Variants in ANO1 observed in about 807,000 individuals in gnomAD.
ANO1 encodes anoctamin 1.
ANO1 carries 59 observed loss-of-function variants against 124.0 expected under a neutral mutation model. That is an observed-to-expected ratio of 0.48 (90% CI 0.39 to 0.59). The LOEUF is 0.59. Among genes scored for constraint, ANO1 ranks in the 20% least tolerant of loss-of-function variants. ANO1 has a pLI of 0.00. For missense variants in ANO1, 1,059 were observed against 1,328.0 expected (o/e 0.80, Z 3.15); for synonymous variants, 529 against 532.0 (o/e 0.99, Z 0.08).
At chr11:70,129,389 G>A (rs1001620556) in intron 10 of ANO1, 2 of 152,166 alleles carry the variant, frequency 1.3e-5, no homozygotes, top group African/African-American at 4.8e-5. Flanking sequence ...TCTGCAGCCG[G>A]GAAAACTAAG....
chr11:70,130,131 C>G (rs374010651), intron 10 of ANO1, among the ~76,000 whole-genome samples: 1 of 152,302 alleles, frequency 6.6e-6, no homozygotes, highest in African/African-American at 2.4e-5. Flanking sequence ...AGCATCCCCC[C>G]ACATCACCCT....
intron 4 of ANO1, among the ~76,000 whole-genome samples, chr11:70,104,663 C>T (rs1048570670): frequency 2.0e-5 from 3 of 152,338 alleles, no homozygotes; most frequent in Admixed American, 6.5e-5. Context: ...GGCAGTGGGG[C>T]GTAGCCACCT....
chr11:70,120,025 C>G (rs2509138), intron 8 of ANO1, among the ~76,000 whole-genome samples: 105,097 of 151,682 alleles, frequency 0.69, 36,694 homozygotes, highest in Admixed American at 0.76. Flanking sequence ...AGCCTGGTGC[C>G]AAGTTTTTGC....
chr11:70,000,130 G>A (rs1453599981), intron 1 of ANO1, among the ~76,000 whole-genome samples: 3 of 152,132 alleles, frequency 2.0e-5, no homozygotes, highest in Non-Finnish European at 2.9e-5. Flanking sequence ...CTTTTTGGAT[G>A]GAGATAATAA....
At chr11:70,088,666 C>T (rs959082864) in intron 2 of ANO1, among the ~76,000 whole-genome samples, 4 of 152,214 alleles carry the variant, frequency 2.6e-5, no homozygotes, top group African/African-American at 9.7e-5. Context: ...CCTTCACAGC[C>T]ATGACCTTCA....
At chr11:70,094,406 C>T (rs1565192117) in intron 2 of ANO1, among the ~76,000 whole-genome samples, 2 of 152,196 alleles carry the variant, frequency 1.3e-5, no homozygotes, top group Non-Finnish European at 2.9e-5. Context: ...TGGGCACTGG[C>T]AGGGGCTGGG....
intron 1 of ANO1, among the ~76,000 whole-genome samples, chr11:70,039,041 T>TA (rs1555004764): frequency 8.6e-5 from 13 of 152,034 alleles, no homozygotes; most frequent in Admixed American, 8.5e-4. Flanking sequence ...AATTTAGCCT[T>TA]AAAAAAGCCA....
intron 2 of ANO1, among the ~76,000 whole-genome samples, chr11:70,089,990 G>GGTTTGTTT (rs72163864): frequency 4.1e-4 from 2 of 4,832 alleles, no homozygotes; most frequent in African/African-American, 5.2e-4. Flanking sequence ...TGTTCCCCAG[G>GGTTTGTTT]GTTTGTTTGT....
chr11:70,016,118 C>G (rs1264354695), intron 1 of ANO1, among the ~76,000 whole-genome samples: 2 of 151,908 alleles, frequency 1.3e-5, no homozygotes, highest in African/African-American at 4.8e-5. Flanking sequence ...ACCTCTGCCT[C>G]CTTGGTTCAA....
intron 2 of ANO1, among the ~76,000 whole-genome samples, chr11:70,099,689 G>A (rs780881516): frequency 2.6e-5 from 4 of 152,184 alleles, no homozygotes; most frequent in Admixed American, 1.3e-4. Context: ...CTTCTTGGCC[G>A]AAGGAGTCTG....
At chr11:70,155,471 C>T (rs1180118893) in intron 14 of ANO1, among the ~76,000 whole-genome samples, 2 of 152,232 alleles carry the variant, frequency 1.3e-5, no homozygotes, top group Admixed American at 6.5e-5. Context: ...TTTTGATTTC[C>T]CTCCAGCTAT....
intron 8 of ANO1, among the ~76,000 whole-genome samples, chr11:70,119,713 C>T (rs184567938): frequency 2.3e-4 from 34 of 149,038 alleles, no homozygotes; most frequent in East Asian, 1.2e-3. Context: ...AGATGGATGC[C>T]GGAGGGATGA....
At position 70,164,590 on chromosome 11, in the gene ANO1, G is replaced by C. The variant is rs184048827; in HGVS notation, c.1951-880G>C. 1.6e-3 allele frequency among the ~76,000 whole-genome samples: 245 copies of C among 152,322 alleles called. 2 individuals carry two copies. Among genetic ancestry groups the C allele is most frequent in the African/African-American group, 5.7e-3 (235 of 41,576 alleles). ...TTTGTTAGGTTTTATTTGGAATGCA[G>C]AACAAGTTTACTGTGCCTCAGGGGT... On this transcript the variant is annotated intron_variant, in intron 19 of 25. Transcript: ENST00000355303.
At chr11:70,020,306 A>G (rs7950460) in intron 1 of ANO1, among the ~76,000 whole-genome samples, 1 of 152,000 alleles carries the variant, frequency 6.6e-6, no homozygotes, top group Admixed American at 6.5e-5. Flanking sequence ...CCCTTCTTCC[A>G]TCCTCACCAC....
chr11:69,997,484 C>G (rs1383333986), intron 1 of ANO1, among the ~76,000 whole-genome samples: 6 of 152,210 alleles, frequency 3.9e-5, no homozygotes, highest in African/African-American at 1.4e-4. Context: ...GCCACAGGGC[C>G]AGACATGAAA....
intron 1 of ANO1, among the ~76,000 whole-genome samples, chr11:69,987,769 C>A (rs1330176189): frequency 2.0e-5 from 3 of 152,122 alleles, no homozygotes; most frequent in African/African-American, 7.2e-5. Flanking sequence ...TGAGGGTGTA[C>A]TCTGGAGGCC....
At chr11:70,166,585 C>G (rs2048263515) in intron 20 of ANO1, among the ~76,000 whole-genome samples, 1 of 152,196 alleles carries the variant, frequency 6.6e-6, no homozygotes, top group African/African-American at 2.4e-5. Flanking sequence ...GAGTCAAGAA[C>G]TTGTCGGGCC....
At chr11:70,145,703 G>A (rs943011838) in intron 11 of ANO1, among the ~76,000 whole-genome samples, 2 of 152,104 alleles carry the variant, frequency 1.3e-5, no homozygotes, top group African/African-American at 4.8e-5. Flanking sequence ...TTGGGAGGCT[G>A]AGGCAGGCAG....
In ANO1 at chr11:70,078,517, C is replaced by T. The variant is rs2044097959; in HGVS notation, c.-90C>T. ...GGCCCGGCCCCCTGCGAGCGCGCCG[C>T]GAACGCTGCGGTCTCCGCCCGCAGA... On this transcript the variant is annotated 5_prime_UTR_variant, in exon 1 of 26. Coordinates refer to ENST00000355303, the MANE Select transcript of ANO1 (RefSeq NM_018043.7). 9 of 754,476 alleles carry T rather than the reference C, an allele frequency of 1.2e-5. No homozygotes were observed. The highest frequency in any genetic ancestry group is 1.9e-5 in the African/African-American group (1 of 51,562). The allele number at this position is 754,476 out of a possible 1,614,324, so 46.7% of individuals were successfully genotyped here.
Sources: allele counts gnomAD v4.1 joint callset (sites outside exome capture counted in the v4.1 genomes callset), GRCh38; gene constraint gnomAD v4.1.1; transcripts MANE v1.5; gene names NCBI Gene and HGNC (gene_info 2026-07-23, HGNC 2026-07-21).